Variants in SV2B observed in about 807,000 individuals in gnomAD.
The protein encoded by SV2B is synaptic vesicle glycoprotein 2B.
In SV2B, 41 loss-of-function variants were observed where a neutral mutation model predicts 73.9. The observed-to-expected ratio is 0.56, with a 90% confidence interval of 0.43 to 0.72. The LOEUF (loss-of-function observed/expected upper bound fraction) is 0.72, where lower values mean the gene tolerates loss of function less well. Ranked by LOEUF, SV2B falls within the 30% of genes least tolerant of loss-of-function variation. SV2B has a pLI of 0.00. For synonymous variants in SV2B, 314 were observed against 314.2 expected (o/e 1.00, Z 0.01); for missense variants, 764 against 857.8 (o/e 0.89, Z 1.37).
At chr15:91,263,206 G>C (rs1442867788) in intron 6 of SV2B, among the ~76,000 whole-genome samples, 1 of 105,114 alleles carries the variant, frequency 9.5e-6, no homozygotes, top group South Asian at 3.3e-4. Flanking sequence ...AGAGACACAT[G>C]GACACACATG....
chr15:91,171,796 G>A (rs928161942), intron 1 of SV2B, among the ~76,000 whole-genome samples: 2 of 152,068 alleles, frequency 1.3e-5, no homozygotes, highest in Non-Finnish European at 2.9e-5. Context: ...TGACAAAGTC[G>A]GTGAATTAAC....
intron 2 of SV2B, among the ~76,000 whole-genome samples, chr15:91,250,968 A>G (rs138237662): frequency 2.6e-4 from 40 of 152,338 alleles, no homozygotes; most frequent in African/African-American, 7.2e-4. Context: ...TAAAATTCAT[A>G]TAGAACCACA....
chr15:91,301,009 C>G lies in SV2B; in HGVS notation c.*8457C>G, dbSNP rs931843421. ...AAGCCTGCCATCTTTCTGTAACGCA[C>G]CTTCAACCTGAGATAATTAAGAGTC... is the stretch of plus-strand genomic sequence containing the variant. On this transcript the variant is annotated 3_prime_UTR_variant, in exon 13 of 13. Transcript: ENST00000394232. The surrounding 1 kb of genome is among the most constrained non-coding windows in gnomAD (Gnocchi z 4.3). The G allele has an allele frequency of 2.6e-5, 4 of 152,198 alleles. No individual in the cohort carries two copies. The highest frequency in any genetic ancestry group is 5.9e-5 in the Non-Finnish European group (4 of 68,048). The allele number at this position is 152,198 out of a possible 1,614,324, so 9.4% of individuals were successfully genotyped here. A position where few individuals can be genotyped will look rare whatever the true frequency, so the allele number is the denominator to read the frequency against.
rs142491395 is a variant in SV2B, at chr15:91,197,059, T to C, written c.-391-28814T>C. On this transcript the variant is annotated intron_variant, in intron 1 of 12. Transcript: ENST00000394232. This position sits in a 1 kb window ranked among gnomAD's most constrained non-coding sequence, Gnocchi z 4.9. ...TCCGCCTGCCGGCTGTGGCAGCCTT[T>C]AGCCCATAGATGCTGATCTTTGATG... Among the ~76,000 whole-genome samples, 1,804 of 152,352 alleles carry C rather than the reference T, an allele frequency of 0.012. 39 individuals are homozygous for C. The highest frequency in any genetic ancestry group is 0.042 in the African/African-American group (1,727 of 41,584).
intron 11 of SV2B, among the ~76,000 whole-genome samples, chr15:91,285,271 T>A (rs1197412135): frequency 6.6e-6 from 1 of 152,182 alleles, no homozygotes; most frequent in Non-Finnish European, 1.5e-5. Flanking sequence ...CTTTTTAATC[T>A]TGTGGTGAGG....
chr15:91,260,676 C>A (rs964147252), intron 6 of SV2B, among the ~76,000 whole-genome samples: 1 of 152,094 alleles, frequency 6.6e-6, no homozygotes, highest in Non-Finnish European at 1.5e-5. Context: ...TGTATTAGTC[C>A]ATTTTCATGC....
intron 1 of SV2B, among the ~76,000 whole-genome samples, chr15:91,173,760 C>T (rs535726965): frequency 2.6e-5 from 4 of 152,176 alleles, no homozygotes; most frequent in African/African-American, 9.7e-5. Flanking sequence ...GTGAATATTT[C>T]AACATCAGAA....
chr15:91,156,964 G>T (rs1427353462), intron 1 of SV2B, among the ~76,000 whole-genome samples: 1 of 152,220 alleles, frequency 6.6e-6, no homozygotes, highest in African/African-American at 2.4e-5. Context: ...CAGATAAACA[G>T]ATGTGTAGGC....
chr15:91,289,965 G>A lies in SV2B; in HGVS notation c.1868+285G>A, dbSNP rs1299908587. ...GAGTGAAAAGTTGGTAAAACCATAT[G>A]TGTCATGTAATCCACAAGAGAGAAC... On this transcript the variant is annotated intron_variant, in intron 12 of 12. Coordinates refer to ENST00000394232, the MANE Select transcript of SV2B (RefSeq NM_001323032.3). This position sits in a 1 kb window ranked among gnomAD's most constrained non-coding sequence, Gnocchi z 4.9. Among the ~76,000 whole-genome samples the A allele has an allele frequency of 6.6e-6, 1 of 152,164 alleles. No homozygotes were observed. The highest frequency in any genetic ancestry group is 6.5e-5 in the Admixed American group (1 of 15,278).
rs3815023 is a variant in SV2B at position 91,217,416 on chromosome 15, C to T, written c.-391-8457C>T. 0.011 allele frequency among the ~76,000 whole-genome samples: 1,735 copies of T among 151,770 alleles called. 42 individuals carry two copies. The East Asian group carries it at 0.12, about 10-fold the overall frequency. ...TGGGACCTCTTGGAGTAATTCTGAA[C>T]GTTTGGGGGGAGGGGGAAGGGATAG... is the stretch of plus-strand genomic sequence containing the variant. On this transcript the variant is annotated intron_variant, in intron 1 of 12. Transcript: ENST00000394232.
chr15:91,133,687 A>G (rs2042725895), intron 1 of SV2B, among the ~76,000 whole-genome samples: 1 of 152,046 alleles, frequency 6.6e-6, no homozygotes, highest in South Asian at 2.1e-4. Context: ...CAAACTCTCC[A>G]CACTTCCTGT....
intron 1 of SV2B, among the ~76,000 whole-genome samples, chr15:91,202,759 G>A (rs896365532): frequency 6.6e-6 from 1 of 152,188 alleles, no homozygotes; most frequent in Non-Finnish European, 1.5e-5. Flanking sequence ...ACACTCCAGG[G>A]AGTGCTGAAG....
chr15:91,281,920 A>C lies in SV2B; in HGVS notation c.1507+59A>C, dbSNP rs770614001. On this transcript the variant is annotated intron_variant, in intron 10 of 12. Coordinates refer to ENST00000394232, the MANE Select transcript of SV2B (RefSeq NM_001323032.3). The surrounding 1 kb of genome is among the most constrained non-coding windows in gnomAD (Gnocchi z 4.7). ...TAACAGGAGACAACTTGTGTTGTCC[A>C]AGAATCAAAATGGTCAGGCATAAAC... 1 of 1,533,164 alleles carries C rather than the reference A, an allele frequency of 6.5e-7. No homozygotes were observed. The highest frequency in any genetic ancestry group is 8.8e-7 in the Non-Finnish European group (1 of 1,130,634). The allele number at this position is 1,533,164 out of a possible 1,614,324, so 95.0% of individuals were successfully genotyped here.
chr15:91,152,725 A>G (rs1009808570), intron 1 of SV2B, among the ~76,000 whole-genome samples: 2 of 152,198 alleles, frequency 1.3e-5, no homozygotes, highest in African/African-American at 2.4e-5. Context: ...GATATTAGCA[A>G]AGGTCAGAAA....
chr15:91,244,614 T>C (rs1393383319), intron 2 of SV2B, among the ~76,000 whole-genome samples: 2 of 152,214 alleles, frequency 1.3e-5, no homozygotes, highest in African/African-American at 2.4e-5. Context: ...TGCAGATGGA[T>C]ACCCTGATGT....
At chr15:91,101,335 C>A (rs948301732) in intron 1 of SV2B, among the ~76,000 whole-genome samples, 2 of 152,094 alleles carry the variant, frequency 1.3e-5, no homozygotes, top group African/African-American at 4.8e-5. Flanking sequence ...CTGCTTCCTG[C>A]CCTTTCCAGA....
rs914679682 is a variant in SV2B, at chr15:91,231,259, G to A, written c.451+4545G>A. Among the ~76,000 whole-genome samples, 3 of 152,114 alleles carry A rather than the reference G, an allele frequency of 2.0e-5. No homozygotes were observed. The highest frequency in any genetic ancestry group is 2.9e-5 in the Non-Finnish European group (2 of 68,020). On this transcript the variant is annotated intron_variant, in intron 2 of 12. Coordinates refer to ENST00000394232, the MANE Select transcript of SV2B (RefSeq NM_001323032.3). The surrounding 1 kb of genome is among the most constrained non-coding windows in gnomAD (Gnocchi z 4.5). ...TGCGGACTTGATTCCACTGGTAGTG[G>A]AGAGCTGTTTAATGGGGAGCTATGA...
chr15:91,163,996 C>T (rs956073890), intron 1 of SV2B, among the ~76,000 whole-genome samples: 4 of 152,132 alleles, frequency 2.6e-5, no homozygotes, highest in Non-Finnish European at 5.9e-5. Context: ...AGCCAGTTTT[C>T]CCAGCACCAT....
chr15:91,149,209 G>A (rs576125257), intron 1 of SV2B, among the ~76,000 whole-genome samples: 1 of 152,344 alleles, frequency 6.6e-6, no homozygotes, highest in African/African-American at 2.4e-5. Flanking sequence ...TGGCAGATGG[G>A]CTTTGGCCTG....
Sources: gnomAD v4.1 joint callset for allele counts (sites outside exome capture counted in the v4.1 genomes callset) on GRCh38, gnomAD v4.1.1 for gene constraint, Gnocchi (gnomAD v3.1) non-coding constraint, MANE v1.5 for transcripts, NCBI Gene and HGNC (gene_info 2026-07-23, HGNC 2026-07-21) for gene names.